Variants in UBE2E2 observed in about 807,000 individuals in gnomAD.
UBE2E2 encodes the protein ubiquitin conjugating enzyme E2 E2.
In UBE2E2, 6 loss-of-function variants were observed where a neutral mutation model predicts 24.7. The observed-to-expected ratio is 0.24, with a 90% CI of 0.13 to 0.48. The LOEUF is 0.48. Among genes scored for constraint, UBE2E2 ranks in the 20% least tolerant of loss-of-function variants. The pLI is 0.99. For synonymous variants in UBE2E2, 104 were observed against 83.6 expected, an observed-to-expected ratio of 1.24 and a Z score of -1.33; for missense variants, 169 against 245.0, an observed-to-expected ratio of 0.69 and a Z score of 2.07.
intron 4 of UBE2E2, among the ~76,000 whole-genome samples, chr3:23,532,182 A>G (rs1695138627): frequency 1.3e-5 from 2 of 152,188 alleles, no homozygotes; most frequent in South Asian, 2.1e-4. Context: ...AAATAACTGG[A>G]ATCTAACAAA....
At chr3:23,386,084 CTAT>C (rs1696798262) in intron 3 of UBE2E2, among the ~76,000 whole-genome samples, 1 of 152,062 alleles carries the variant, frequency 6.6e-6, no homozygotes, top group Non-Finnish European at 1.5e-5. Context: ...CTCTTTAACA[CTAT>C]TTCATATAAG....
At chr3:23,437,891 A>T (rs144838612) in intron 3 of UBE2E2, among the ~76,000 whole-genome samples, 1 of 152,236 alleles carries the variant, frequency 6.6e-6, no homozygotes, top group African/African-American at 2.4e-5. Flanking sequence ...AAACACAGAG[A>T]TTCCATGAAA....
intron 3 of UBE2E2, among the ~76,000 whole-genome samples, chr3:23,316,981 T>C (rs968754759): frequency 6.6e-5 from 10 of 152,136 alleles, no homozygotes; most frequent in African/African-American, 2.4e-4. Context: ...ATCCAAGTTA[T>C]AAGTCAAAGT....
intron 4 of UBE2E2, among the ~76,000 whole-genome samples, chr3:23,517,841 A>T (rs1202691006): frequency 1.3e-5 from 2 of 152,194 alleles, no homozygotes; most frequent in African/African-American, 4.8e-5. Context: ...TAGATAGAAA[A>T]TTTCAAAGAT....
chr3:23,336,494 A>C (rs1695214993), intron 3 of UBE2E2, among the ~76,000 whole-genome samples: 1 of 152,246 alleles, frequency 6.6e-6, no homozygotes, highest in African/African-American at 2.4e-5. Context: ...TGAACTGAGA[A>C]TACAGAATCA....
At chr3:23,217,347 T>C in intron 3 of UBE2E2, 35 bp downstream of exon 3, 1 of 1,595,696 alleles carries the variant, frequency 6.3e-7, no homozygotes, top group Non-Finnish European at 8.6e-7. Flanking sequence ...ACTTGTATCT[T>C]TTGCAGAAGG....
At chr3:23,524,566 C>G (rs1397149080) in intron 4 of UBE2E2, among the ~76,000 whole-genome samples, 1 of 152,146 alleles carries the variant, frequency 6.6e-6, no homozygotes, top group Non-Finnish European at 1.5e-5. Context: ...AACTCCCAAA[C>G]CCATATATTC....
chr3:23,212,351 C>G, intron 2 of UBE2E2, among the ~76,000 whole-genome samples: 1 of 152,076 alleles, frequency 6.6e-6, no homozygotes, highest in East Asian at 1.9e-4. Context: ...CTATATCACT[C>G]TTGTTATATT....
At chr3:23,462,009 G>A (rs1009458205) in intron 3 of UBE2E2, among the ~76,000 whole-genome samples, 1 of 152,082 alleles carries the variant, frequency 6.6e-6, no homozygotes, top group African/African-American at 2.4e-5. Flanking sequence ...GAGCTAAAGT[G>A]ATTTGTCATA....
chr3:23,348,347 C>CA (rs35038477), intron 3 of UBE2E2, among the ~76,000 whole-genome samples: 51,862 of 121,716 alleles, frequency 0.43, 10,363 homozygotes, highest in Admixed American at 0.55. Context: ...GTGCTGCTTT[C>CA]AAAAAAAAAA....
intron 3 of UBE2E2, among the ~76,000 whole-genome samples, chr3:23,416,565 T>G (rs994286330): frequency 6.6e-5 from 10 of 152,282 alleles, no homozygotes; most frequent in Non-Finnish European, 1.5e-4. Flanking sequence ...CTTTGTGGTG[T>G]TCTCTGTATT....
intron 3 of UBE2E2, among the ~76,000 whole-genome samples, chr3:23,309,841 T>A (rs1694312055): frequency 6.6e-6 from 1 of 151,994 alleles, no homozygotes; most frequent in South Asian, 2.1e-4. Flanking sequence ...CCTGTATAGA[T>A]CTCTCCACAG....
At chr3:23,549,131 C>T (rs1435325779) in intron 5 of UBE2E2, among the ~76,000 whole-genome samples, 1 of 152,248 alleles carries the variant, frequency 6.6e-6, no homozygotes, top group Non-Finnish European at 1.5e-5. Context: ...GTAAGCAGCA[C>T]TGCCAAAGCA....
chr3:23,326,356 C>A (rs1435707663), intron 3 of UBE2E2, among the ~76,000 whole-genome samples: 2 of 152,186 alleles, frequency 1.3e-5, no homozygotes, highest in Non-Finnish European at 2.9e-5. Flanking sequence ...TAGGCTTGAG[C>A]CACCGTGCCT....
chr3:23,418,503 G>C (rs1228193404), intron 3 of UBE2E2, among the ~76,000 whole-genome samples: 2 of 152,116 alleles, frequency 1.3e-5, no homozygotes, highest in Non-Finnish European at 2.9e-5. Context: ...TTCAAGCCAG[G>C]CTCTAATTTT....
At chr3:23,500,024 G>A (rs916663292) in intron 4 of UBE2E2, among the ~76,000 whole-genome samples, 9 of 151,920 alleles carry the variant, frequency 5.9e-5, no homozygotes, top group Admixed American at 5.9e-4. Flanking sequence ...ATGTTTTATG[G>A]GTGAAAATGG....
chr3:23,382,629 T>A (rs886389234), intron 3 of UBE2E2, among the ~76,000 whole-genome samples: 2 of 152,230 alleles, frequency 1.3e-5, no homozygotes, highest in Non-Finnish European at 2.9e-5. Flanking sequence ...TTATTTTACA[T>A]TTTCTATTCC....
At chr3:23,273,844 G>C (rs559420222) in intron 3 of UBE2E2, 2 of 152,546 alleles carry the variant, frequency 1.3e-5, no homozygotes, top group East Asian at 3.9e-4. Flanking sequence ...ACAACCAACT[G>C]ATCACAGCCA....
intron 3 of UBE2E2, among the ~76,000 whole-genome samples, chr3:23,303,413 T>G (rs1483172708): frequency 1.3e-5 from 2 of 152,216 alleles, no homozygotes; most frequent in Non-Finnish European, 2.9e-5. Context: ...AACCAGTTGC[T>G]GGTGCCAGAA....
Sources: gnomAD v4.1 joint callset for allele counts (sites outside exome capture counted in the v4.1 genomes callset) on GRCh38, gnomAD v4.1.1 for gene constraint, MANE v1.5 for transcripts, NCBI Gene and HGNC (gene_info 2026-07-23, HGNC 2026-07-21) for gene names.